Variants in ATF3 observed in about 807,000 individuals in gnomAD.
ATF3 encodes cyclic AMP-dependent transcription factor ATF-3.
Under a neutral mutation model 18.4 loss-of-function variants are expected in ATF3, and 10 were observed. The ratio of observed to expected loss-of-function variants is 0.54; its 90% confidence interval spans 0.34 to 0.92. ATF3 has a LOEUF of 0.92. Among genes scored for constraint, ATF3 ranks in the 40% least tolerant of loss-of-function variants. ATF3 has a pLI of 0.02. For missense variants in ATF3, 183 were observed against 222.3 expected, an observed-to-expected ratio of 0.82 and a Z score of 1.12; for synonymous variants, 78 against 87.9, an observed-to-expected ratio of 0.89 and a Z score of 0.63.
chr1:212,574,446 T>C (rs534474682), intron 1 of ATF3, among the ~76,000 whole-genome samples: 1 of 152,186 alleles, frequency 6.6e-6, no homozygotes, highest in African/African-American at 2.4e-5. Context: ...TTTGGTATAT[T>C]CATCACAAAT....
At chr1:212,610,505 C>G (rs1654850675) in intron 1 of ATF3, among the ~76,000 whole-genome samples, 1 of 152,188 alleles carries the variant, frequency 6.6e-6, no homozygotes, top group African/African-American at 2.4e-5. Context: ...GTGAGGATTG[C>G]AGTTACTGTC....
chr1:212,581,145 T>A (rs1022854513), intron 1 of ATF3, among the ~76,000 whole-genome samples: 3 of 152,202 alleles, frequency 2.0e-5, no homozygotes, highest in African/African-American at 7.2e-5. Flanking sequence ...GACTTGGATA[T>A]AATTTAAAGT....
In ATF3 at chr1:212,619,010, T is replaced by C. The variant is rs1263687083; in HGVS notation, c.349-348T>C. ...TCTCATTGAGATCTGTGACTCAGAA[T>C]CGACTAAGCCACCATAAGTCTGGAT... On this transcript the variant is annotated intron_variant, in intron 3 of 3. Transcript: ENST00000341491. The surrounding 1 kb of genome is among the most constrained non-coding windows in gnomAD (Gnocchi z 4.4). The C allele has an allele frequency of 6.2e-7, 1 of 1,613,738 alleles. No individual in the cohort carries two copies. The highest frequency in any genetic ancestry group is 2.2e-5 in the East Asian group (1 of 44,900).
rs568829439 is a variant in ATF3, at chr1:212,603,709, AAAGAGG to A, written c.-4-11308_-4-11303del. The stretch of plus-strand genomic sequence containing the variant: ...AGGATAGTGGTTACCTCTGGGAAGC[AAAGAGG>A]TCTACTTCTTGAGTGGTGAGTTCCT... On this transcript the variant is annotated intron_variant, in intron 1 of 3. Transcript: ENST00000366981. Among the ~76,000 whole-genome samples the A allele has an allele frequency of 2.0e-3, 309 of 152,244 alleles. 1 individual carries two copies. The highest frequency in any genetic ancestry group is 7.2e-3 in the African/African-American group (299 of 41,554).
chr1:212,571,954 C>CA, intron 1 of ATF3, among the ~76,000 whole-genome samples: 1 of 151,634 alleles, frequency 6.6e-6, no homozygotes, highest in Non-Finnish European at 1.5e-5. Flanking sequence ...CCTCGTGATC[C>CA]GCCCGGCTCG....
chr1:212,576,266 A>T (rs2102623407), intron 1 of ATF3, among the ~76,000 whole-genome samples: 1 of 152,148 alleles, frequency 6.6e-6, no homozygotes, highest in African/African-American at 2.4e-5. Flanking sequence ...TATGTATTTT[A>T]AAATCTCCAC....
intron 1 of ATF3, among the ~76,000 whole-genome samples, chr1:212,601,324 T>C (rs181242195): frequency 7.9e-5 from 12 of 152,342 alleles, no homozygotes; most frequent in African/African-American, 2.9e-4. Flanking sequence ...TTATTAAGCA[T>C]GTATCCTCTG....
chr1:212,591,423 T>C (rs1664882301), intron 1 of ATF3, among the ~76,000 whole-genome samples: 1 of 152,186 alleles, frequency 6.6e-6, no homozygotes, highest in Non-Finnish European at 1.5e-5. Flanking sequence ...AGGAAACCAG[T>C]TGAGAAGGTC....
chr1:212,593,080 C>A (rs12066052), intron 1 of ATF3, among the ~76,000 whole-genome samples: 50,289 of 148,916 alleles, frequency 0.34, 9,128 homozygotes, highest in African/African-American at 0.47. Flanking sequence ...AAAATGTGGC[C>A]CATATACACC....
intron 1 of ATF3, among the ~76,000 whole-genome samples, chr1:212,581,317 G>A (rs1235130954): frequency 2.0e-5 from 3 of 152,158 alleles, no homozygotes; most frequent in African/African-American, 7.2e-5. Context: ...CCTGACTTTA[G>A]TGGAAGTCCT....
chr1:212,595,119 C>T (rs1558232232), intron 1 of ATF3, among the ~76,000 whole-genome samples: 1 of 152,110 alleles, frequency 6.6e-6, no homozygotes, highest in Non-Finnish European at 1.5e-5. Context: ...AAATAGGATA[C>T]CCACTCCCAA....
chr1:212,615,452 T>G (rs918163863), intron 2 of ATF3, among the ~76,000 whole-genome samples, 191 bp downstream of exon 2: 6 of 151,412 alleles, frequency 4.0e-5, no homozygotes, highest in Non-Finnish European at 7.4e-5. Context: ...AAGAGATGAG[T>G]GCAAAGGAGA....
At chr1:212,580,113 G>A (rs192693886) in intron 1 of ATF3, among the ~76,000 whole-genome samples, 1 of 150,896 alleles carries the variant, frequency 6.6e-6, no homozygotes, top group African/African-American at 2.4e-5. Context: ...AGCCGAGATC[G>A]AGCCATTGCA....
chr1:212,566,902 A>G (rs892495433), intron 1 of ATF3, among the ~76,000 whole-genome samples: 1 of 152,152 alleles, frequency 6.6e-6, no homozygotes, highest in African/African-American at 2.4e-5. Flanking sequence ...ATGGATCACA[A>G]CTGAACAGTG....
At chr1:212,597,385 T>A (rs2102638925) in intron 1 of ATF3, among the ~76,000 whole-genome samples, 1 of 152,122 alleles carries the variant, frequency 6.6e-6, no homozygotes, top group East Asian at 1.9e-4. Flanking sequence ...TTTACTAATG[T>A]GTTGTTATAT....
At chr1:212,572,302 A>G (rs1664499195) in intron 1 of ATF3, among the ~76,000 whole-genome samples, 1 of 151,880 alleles carries the variant, frequency 6.6e-6, no homozygotes, top group Non-Finnish European at 1.5e-5. Context: ...GGATCCCCTG[A>G]GGTAGGGGGT....
Position 212,618,963 on chromosome 1 carries a change from A to AT in ATF3, c.349-389dup, listed in dbSNP as rs1464452715. ...GGGAATTTTGTGTGTTGCTATATACATTTTTTCTGGGGAGATGAGCTTCTC... is the reference window on the plus strand; with the variant it reads ...GGGAATTTTGTGTGTTGCTATATACATTTTTTTCTGGGGAGATGAGCTTCTC... On this transcript the variant is annotated intron_variant, in intron 3 of 3. Coordinates refer to ENST00000341491, the MANE Select transcript of ATF3 (RefSeq NM_001674.4). The surrounding 1 kb of genome is among the most constrained non-coding windows in gnomAD (Gnocchi z 4.4). 5 of 1,570,040 alleles carry AT rather than the reference A, an allele frequency of 3.2e-6. No individual in the cohort carries two copies. Among genetic ancestry groups the AT allele is most frequent in the South Asian group, 1.1e-5 (1 of 89,970 alleles).
At chr1:212,572,877 A>G (rs1176480460) in intron 1 of ATF3, among the ~76,000 whole-genome samples, 1 of 152,234 alleles carries the variant, frequency 6.6e-6, no homozygotes, top group Non-Finnish European at 1.5e-5. Context: ...ATAGTTCTAT[A>G]TAGAAAAGCA....
intron 1 of ATF3, among the ~76,000 whole-genome samples, chr1:212,576,876 T>G (rs1248861614): frequency 1.3e-5 from 2 of 151,322 alleles, no homozygotes; most frequent in East Asian, 3.9e-4. Context: ...TACAGGCACG[T>G]GCCATCACAC....
Sources: gnomAD v4.1 joint callset for allele counts (sites outside exome capture counted in the v4.1 genomes callset) on GRCh38, gnomAD v4.1.1 for gene constraint, Gnocchi (gnomAD v3.1) non-coding constraint, MANE v1.5 for transcripts, NCBI Gene and HGNC (gene_info 2026-07-23, HGNC 2026-07-21) for gene names.